ZNF43: variants seen among roughly 807,000 people sequenced by gnomAD.
ZNF43 encodes zinc finger protein 43, also known as zinc finger protein 39-like 1 (KOX 27).
ZNF43 carries 44 observed loss-of-function variants against 68.4 expected under a neutral mutation model. The ratio of observed to expected loss-of-function variants is 0.64; its 90% confidence interval spans 0.51 to 0.83. The LOEUF (loss-of-function observed/expected upper bound fraction) is 0.83. Ranked by LOEUF, ZNF43 falls within the 40% of genes least tolerant of loss-of-function variation. The probability of loss-of-function intolerance (pLI) is 0.00; values close to 1 mark genes in which losing one functional copy is unlikely to be tolerated. For synonymous variants in ZNF43, 308 were observed against 307.8 expected (o/e 1.00, Z -0.01); for missense variants, 896 against 933.2 (o/e 0.96, Z 0.52).
In ZNF43 at chr19:21,808,966, A is replaced by G; in HGVS notation, c.1071T>C (p.Leu357=). 6.2e-7 allele frequency: 1 copy of G among 1,613,628 alleles called. No homozygotes were observed. The highest frequency in any genetic ancestry group is 8.5e-7 in the Non-Finnish European group (1 of 1,179,864). ...CAGTATGGATTCTCTTATGTGTAGT[A>G]AGGTTTGAGAACTGGTTAAAGGCTT... is the stretch of plus-strand genomic sequence containing the variant. ...CGKAFNQFSN[L]TTHKRIHTAE... The change falls in exon 4 of 4, where the codon CTT becomes CTC. Residue 357 remains leucine (L), a synonymous_variant. Transcript: ENST00000354959.
Position 21,809,536 on chromosome 19 carries a change from GCTTAT to G in ZNF43, c.496_500del (p.Ile166ProfsTer3), listed in dbSNP as rs772410572. The G allele has an allele frequency of 8.1e-6, 13 of 1,613,274 alleles. No homozygotes were observed. Among genetic ancestry groups the G allele is most frequent in the Middle Eastern group, 1.7e-4 (1 of 6,038 alleles). On this transcript the variant is annotated frameshift_variant, in exon 4 of 4. Coordinates refer to ENST00000354959, the MANE Select transcript of ZNF43 (RefSeq NM_003423.4). LOFTEE classifies it high-confidence loss of function. ...ATTTGAAAAGTTTTTTTTCAGTATGGCTTATCTTATGTCTGTTTGAATTTGAAAAT... is the reference window on the plus strand; with the variant it reads ...ATTTGAAAAGTTTTTTTTCAGTATGGCTTATGTCTGTTTGAATTTGAAAAT...
Position 21,832,618 on chromosome 19 carries a change from T to TCATGCCTGTAATCCCAC in ZNF43, c.3+3417_3+3418insGTGGGATTACAGGCATG, listed in dbSNP as rs59728967. On this transcript the variant is annotated intron_variant, in intron 1 of 3. Transcript: ENST00000354959. ...AAGACAACCAGCCAGGCGCAGTGGC[T>TCATGCCTGTAATCCCAC]CACTTTAGGAGGCCAAGGCAGGCAG... is the stretch of plus-strand genomic sequence containing the variant. 7.2e-4 allele frequency among the ~76,000 whole-genome samples: 110 copies of TCATGCCTGTAATCCCAC among 152,004 alleles called. 1 individual carries two copies. The East Asian group carries it at 0.02, about 27-fold the overall frequency.
intron 3 of ZNF43, among the ~76,000 whole-genome samples, chr19:21,815,505 ATATT>A (rs1318506247): frequency 2.7e-5 from 4 of 149,738 alleles, no homozygotes; most frequent in African/African-American, 9.8e-5. Flanking sequence ...ATATATATAT[ATATT>A]TTGCAGAATA....
At chr19:21,827,907 C>T (rs921452952) in intron 1 of ZNF43, among the ~76,000 whole-genome samples, 2 of 152,162 alleles carry the variant, frequency 1.3e-5, no homozygotes, top group East Asian at 1.9e-4. Context: ...GTGATCCACC[C>T]GCCTCAGCCT....
chr19:21,816,103 T>C (rs1599466164), intron 3 of ZNF43, among the ~76,000 whole-genome samples: 1 of 147,482 alleles, frequency 6.8e-6, no homozygotes, highest in East Asian at 2.0e-4. Context: ...AAACTAAAAA[T>C]GTATAGGGAG....
chr19:21,818,166 G>A (rs80009459), intron 2 of ZNF43, among the ~76,000 whole-genome samples, 180 bp from the exon 3 acceptor site: 5,410 of 151,618 alleles, frequency 0.036, 287 homozygotes, highest in African/African-American at 0.12. Context: ...ACAGTGGTGC[G>A]ATCTTGGCCC....
intron 2 of ZNF43, among the ~76,000 whole-genome samples, chr19:21,818,715 T>C (rs2037653188): frequency 6.6e-6 from 1 of 152,228 alleles, no homozygotes; most frequent in African/African-American, 2.4e-5. Flanking sequence ...CCACCATGCC[T>C]GGCCTTTAAC....
chr19:21,818,389 C>T (rs1325664027), intron 2 of ZNF43, among the ~76,000 whole-genome samples: 2 of 151,724 alleles, frequency 1.3e-5, no homozygotes, highest in Non-Finnish European at 2.9e-5. Context: ...GCATGAGCCA[C>T]CGTACCTGGC....
At chr19:21,815,501 A>G (rs1383307115) in intron 3 of ZNF43, among the ~76,000 whole-genome samples, 3 of 149,818 alleles carry the variant, frequency 2.0e-5, no homozygotes, top group African/African-American at 7.4e-5. Flanking sequence ...ATATATATAT[A>G]TATATATTTT....
At chr19:21,830,542 T>C (rs188708230) in intron 1 of ZNF43, among the ~76,000 whole-genome samples, 2 of 137,554 alleles carry the variant, frequency 1.5e-5, no homozygotes, top group African/African-American at 5.6e-5. Context: ...GACACGTACA[T>C]CCTCCAAAGA....
intron 1 of ZNF43, among the ~76,000 whole-genome samples, chr19:21,829,298 CT>C (rs1247902922): frequency 6.6e-6 from 1 of 152,052 alleles, no homozygotes; most frequent in Non-Finnish European, 1.5e-5. Context: ...ACACACTGAA[CT>C]GTTCTTGCTT....
rs1212688346 is a variant in ZNF43 at position 21,807,855 on chromosome 19, G to T, written c.2182C>A (p.His728Asn). Reference protein sequence around the residue: ...SSNLIEHKKIHTGEQPYKCEE... With the variant: ...SSNLIEHKKINTGEQPYKCEE... ...CATTTGTAGGGTTGCTCTCCAGTAT[G>T]AATTTTCTTATGTTCAATAAGGTTT... Residue 728 changes from histidine (H) to asparagine (N), a missense_variant, in exon 4 of 4, where the codon CAT becomes AAT. Coordinates refer to ENST00000354959, the MANE Select transcript of ZNF43 (RefSeq NM_003423.4). The T allele has an allele frequency of 3.7e-6, 6 of 1,613,136 alleles. No individual in the cohort carries two copies. The Admixed American group carries it at 6.7e-5, about 18-fold the overall frequency.
chr19:21,846,764 G>C (rs1967981574), intron 1 of ZNF43, among the ~76,000 whole-genome samples: 1 of 152,150 alleles, frequency 6.6e-6, no homozygotes, highest in Non-Finnish European at 1.5e-5. Context: ...GGTAAGACAA[G>C]AGAGTCAAAT....
chr19:21,831,472 C>T (rs2038422831), intron 1 of ZNF43, among the ~76,000 whole-genome samples: 3 of 152,086 alleles, frequency 2.0e-5, no homozygotes, highest in Admixed American at 6.6e-5. Flanking sequence ...AGCAATTCTC[C>T]AGCCTCAGCC....
chr19:21,811,558 A>T (rs1181784823), intron 3 of ZNF43, among the ~76,000 whole-genome samples: 3 of 151,900 alleles, frequency 2.0e-5, no homozygotes, highest in Admixed American at 6.6e-5. Context: ...AAAAAAAAAA[A>T]ACTATAGCCA....
chr19:21,844,620 C>T (rs546169566), intron 1 of ZNF43, among the ~76,000 whole-genome samples: 5 of 151,604 alleles, frequency 3.3e-5, no homozygotes, highest in Admixed American at 6.6e-5. Flanking sequence ...TGACAAGGGC[C>T]GGGAAGGTGG....
intron 3 of ZNF43, among the ~76,000 whole-genome samples, chr19:21,814,863 AC>A (rs1199174429): frequency 6.6e-6 from 1 of 152,070 alleles, no homozygotes; most frequent in Admixed American, 6.6e-5. Flanking sequence ...AAACTGGAAA[AC>A]AATAATAAGA....
chr19:21,826,733 G>A (rs948321315), intron 1 of ZNF43, among the ~76,000 whole-genome samples: 2 of 151,984 alleles, frequency 1.3e-5, no homozygotes, highest in East Asian at 1.9e-4. Flanking sequence ...CTACTAAGGA[G>A]GCTGAGGCAG....
At chr19:21,828,650 G>A (rs2038257195) in intron 1 of ZNF43, among the ~76,000 whole-genome samples, 1 of 151,964 alleles carries the variant, frequency 6.6e-6, no homozygotes, top group Non-Finnish European at 1.5e-5. Context: ...CCAGTAGGCG[G>A]AGGTTGCAGT....
Sources: gnomAD v4.1 joint callset for allele counts (sites outside exome capture counted in the v4.1 genomes callset) on GRCh38, gnomAD v4.1.1 for gene constraint, MANE v1.5 for transcripts, NCBI Gene and HGNC (gene_info 2026-07-23, HGNC 2026-07-21) for gene names.